Variants in MYO1H observed in about 807,000 individuals in gnomAD.
MYO1H encodes the protein myosin IH, also known as unconventional myosin-Ih.
Under a neutral mutation model 149.3 loss-of-function variants are expected in MYO1H, and 118 were observed. The ratio of observed to expected loss-of-function variants is 0.79; its 90% CI spans 0.68 to 0.92. The LOEUF is 0.92. MYO1H is among the 40% of genes least tolerant of loss of function. The pLI is 0.00. For missense variants in MYO1H, 1,212 were observed against 1,280.7 expected (o/e 0.95, Z 0.82); for synonymous variants, 447 against 465.2 (o/e 0.96, Z 0.50).
upstream of MYO1H, among the ~76,000 whole-genome samples, chr12:109,346,301 A>G (rs1376327325): frequency 6.6e-6 from 1 of 152,224 alleles, no homozygotes; most frequent in African/African-American, 2.4e-5. Context: ...GCCATTTTAT[A>G]TCAGGCAATT....
At chr12:109,372,984 C>A (rs1869019545) in intron 1 of MYO1H, among the ~76,000 whole-genome samples, 1 of 151,960 alleles carries the variant, frequency 6.6e-6, no homozygotes, top group Admixed American at 6.6e-5. Flanking sequence ...TGGTGATAAA[C>A]TTATTCTATA....
At chr12:109,443,290 ATATG>A (rs1172906504) in intron 27 of MYO1H, among the ~76,000 whole-genome samples, 1 of 71,080 alleles carries the variant, frequency 1.4e-5, no homozygotes, top group South Asian at 4.1e-4. Flanking sequence ...GTGTACGTAT[ATATG>A]TGTGTATATA....
At chr12:109,323,151 G>A in the MYO1H span, among the ~76,000 whole-genome samples, 1 of 152,068 alleles carries the variant, frequency 6.6e-6, no homozygotes, top group South Asian at 2.1e-4. Flanking sequence ...AATTCCTAGG[G>A]TCAGTTTCTT....
chr12:109,331,669 G>C, the MYO1H span, among the ~76,000 whole-genome samples: 1 of 152,198 alleles, frequency 6.6e-6, no homozygotes, highest in Non-Finnish European at 1.5e-5. Flanking sequence ...AGAGAAAAAG[G>C]CTGGGGCAGT....
the MYO1H span, among the ~76,000 whole-genome samples, chr12:109,339,880 A>G: frequency 9.2e-5 from 14 of 152,242 alleles, no homozygotes; most frequent in Admixed American, 2.0e-4. Context: ...CAATTCATTC[A>G]TCTTTGATGT....
At chr12:109,387,006 G>A (rs1472101736) in intron 1 of MYO1H, among the ~76,000 whole-genome samples, 12 of 62,072 alleles carry the variant, frequency 1.9e-4, no homozygotes, top group African/African-American at 6.3e-4. Context: ...GTGTGTGTGT[G>A]TGTGTGTGTG....
rs78081083 is a variant in MYO1H at position 109,424,143 on chromosome 12, A to G, written c.1645-605A>G. On this transcript the variant is annotated intron_variant, in intron 16 of 31. Transcript: ENST00000310903. ...TTGCGTCTTGCTTTTTTCACTTAAC[A>G]CCATTATCTTGGAGATCATTCTTTT... is the stretch of plus-strand genomic sequence containing the variant. Among the ~76,000 whole-genome samples, 386 of 152,076 alleles carry G rather than the reference A, an allele frequency of 2.5e-3. 14 individuals carry two copies. In the East Asian group the frequency reaches 0.069, roughly 27 times the overall value.
At chr12:109,336,003 CAG>C in the MYO1H span, among the ~76,000 whole-genome samples, 3 of 151,968 alleles carry the variant, frequency 2.0e-5, no homozygotes, top group African/African-American at 7.2e-5. Context: ...TTTTTTGTGA[CAG>C]AGTCTTGCTC....
chr12:109,319,643 C>G, the MYO1H span, among the ~76,000 whole-genome samples: 1 of 151,964 alleles, frequency 6.6e-6, no homozygotes, highest in Non-Finnish European at 1.5e-5. Context: ...TTAGGAAAAC[C>G]TTTGCTTGCC....
chr12:109,328,351 C>T, the MYO1H span, among the ~76,000 whole-genome samples: 2 of 151,986 alleles, frequency 1.3e-5, no homozygotes, highest in South Asian at 4.1e-4. Flanking sequence ...GCTATCAGTA[C>T]TCCTTTTATT....
intron 1 of MYO1H, among the ~76,000 whole-genome samples, chr12:109,381,530 C>T (rs546034710): frequency 3.3e-5 from 5 of 152,192 alleles, no homozygotes; most frequent in South Asian, 2.1e-4. Context: ...GTTGGCTGGG[C>T]GCAGTGGCTC....
intron 1 of MYO1H, among the ~76,000 whole-genome samples, chr12:109,364,276 G>T (rs1868820102): frequency 6.6e-6 from 1 of 151,644 alleles, no homozygotes; most frequent in South Asian, 2.1e-4. Context: ...AGTCTGTGTG[G>T]ATAAGCATAC....
At chr12:109,385,630 G>A (rs185159264) in intron 1 of MYO1H, among the ~76,000 whole-genome samples, 40 of 152,248 alleles carry the variant, frequency 2.6e-4, no homozygotes, top group African/African-American at 9.4e-4. Context: ...TAAATGCATT[G>A]TTTTGAATGT....
the MYO1H span, among the ~76,000 whole-genome samples, chr12:109,335,764 G>A: frequency 6.6e-6 from 1 of 151,918 alleles, no homozygotes; most frequent in Non-Finnish European, 1.5e-5. Flanking sequence ...TCTTTATAAG[G>A]CTCCTATGCA....
intron 1 of MYO1H, among the ~76,000 whole-genome samples, chr12:109,369,348 A>T (rs11066422): frequency 6.6e-6 from 1 of 151,988 alleles, no homozygotes; most frequent in Non-Finnish European, 1.5e-5. Context: ...AAAGCAAAAT[A>T]CAGCATGCTG....
chr12:109,318,960 G>GTTT, the MYO1H span, among the ~76,000 whole-genome samples: 31,248 of 76,260 alleles, frequency 0.41, 6,066 homozygotes, highest in Admixed American at 0.48. Flanking sequence ...AACTCTCTGC[G>GTTT]TTTTTGGTTT....
chr12:109,346,116 A>G (rs2048101781), upstream of MYO1H, among the ~76,000 whole-genome samples: 3 of 152,212 alleles, frequency 2.0e-5, no homozygotes, highest in African/African-American at 7.2e-5. Flanking sequence ...AAAAGTATTC[A>G]GGGAAAAATT....
At chr12:109,373,808 T>G (rs1360601100) in intron 1 of MYO1H, among the ~76,000 whole-genome samples, 1 of 152,170 alleles carries the variant, frequency 6.6e-6, no homozygotes, top group Non-Finnish European at 1.5e-5. Flanking sequence ...CTTGGTTTTC[T>G]TTGTTGTTTT....
At chr12:109,341,200 AAAAAAAGCCAGATTTCAGCGTTCCATCTC>A in the MYO1H span, among the ~76,000 whole-genome samples, 1 of 147,380 alleles carries the variant, frequency 6.8e-6, no homozygotes, top group African/African-American at 2.5e-5. Flanking sequence ...AAAAAAAAAA[AAAAAAAGCCAGATTTCAGCGTTCCATCTC>A]AAAAAAAAAA....
Sources: gnomAD v4.1 joint callset for allele counts (sites outside exome capture counted in the v4.1 genomes callset) on GRCh38, gnomAD v4.1.1 for gene constraint, MANE v1.5 for transcripts, NCBI Gene and HGNC (gene_info 2026-07-23, HGNC 2026-07-21) for gene names.